NPHP3: variants seen among roughly 807,000 people sequenced by gnomAD.
NPHP3 encodes nephrocystin-3.
In NPHP3, 123 loss-of-function variants were observed where a neutral mutation model predicts 171.9. That is an observed-to-expected ratio of 0.72 (90% CI 0.62 to 0.83). The LOEUF is 0.83. NPHP3 is among the 40% of genes least tolerant of loss of function. The pLI, the probability that NPHP3 is intolerant of heterozygous loss-of-function variation, is 0.00. For synonymous variants in NPHP3, 558 were observed against 579.2 expected (o/e 0.96, Z 0.52); for missense variants, 1,506 against 1,591.9 (o/e 0.95, Z 0.92).
At chr3:132,709,142 A>G (rs1165812427) in intron 6 of NPHP3, among the ~76,000 whole-genome samples, 1 of 152,132 alleles carries the variant, frequency 6.6e-6, no homozygotes, top group Non-Finnish European at 1.5e-5. Flanking sequence ...TGAAGGTAAA[A>G]AAAATCCCAA....
At position 132,691,298 on chromosome 3, in the gene NPHP3, A is replaced by G. The variant is rs1939292069; in HGVS notation, c.2476-12T>C. ...ACTGTTTCCCAAGCCTAGGGAGAAA[A>G]AGAAGAAATACTGAGTTCTATTTCA... On this transcript the variant is annotated splice_polypyrimidine_tract_variant and intron_variant, in intron 17 of 26. Transcript: ENST00000337331. 3 of 1,576,854 alleles carry G rather than the reference A, an allele frequency of 1.9e-6. No individual in the cohort carries two copies. The South Asian group carries it at 3.3e-5, about 17-fold the overall frequency.
At chr3:132,709,149 C>G (rs1000611201) in intron 6 of NPHP3, among the ~76,000 whole-genome samples, 4 of 151,660 alleles carry the variant, frequency 2.6e-5, no homozygotes, top group Non-Finnish European at 4.4e-5. Flanking sequence ...AAAAAAAATC[C>G]CAAAAAACAA....
chr3:132,699,252 A>T, intron 13 of NPHP3, 101 bp downstream of exon 13: 1 of 786,208 alleles, frequency 1.3e-6, no homozygotes, highest in Non-Finnish European at 2.2e-6. Context: ...ACTGCAAGTT[A>T]CATAAAAAAT....
In NPHP3 at chr3:132,722,380, G is replaced by A. The variant is rs777805993; in HGVS notation, c.-25C>T. 6.4e-7 allele frequency: 1 copy of A among 1,572,798 alleles called. No individual in the cohort carries two copies. Among genetic ancestry groups the A allele is most frequent in the South Asian group, 1.1e-5 (1 of 88,174 alleles). ...TGGCGTCCGTTGCCGCTACTACCTA[G>A]TGAGTACCAGCAGGACTGGGCAGCG... On this transcript the variant is annotated 5_prime_UTR_variant, in exon 1 of 27. Coordinates refer to ENST00000337331, the MANE Select transcript of NPHP3 (RefSeq NM_153240.5).
chr3:132,697,153 A>C (rs1939475411), intron 14 of NPHP3, 107 bp downstream of exon 14: 7 of 811,406 alleles, frequency 8.6e-6, no homozygotes, highest in Non-Finnish European at 1.5e-5. Flanking sequence ...ACTAAACTCC[A>C]GTTTTCCTTA....
chr3:132,704,362 C>G lies in NPHP3; in HGVS notation c.1360G>C (p.Gly454Arg), dbSNP rs1939692373. ...VEKIIKQDIL[G>R]FENTDLETKD... Reference sequence around the variant, plus strand: ...GTCTCCAAGTCTGTGTTCTCAAAACCCAGTATGTCCTAAACACAAAGAACA... The same window carrying G: ...GTCTCCAAGTCTGTGTTCTCAAAACGCAGTATGTCCTAAACACAAAGAACA... The change falls in exon 9 of 27, where the codon GGT becomes CGT. Residue 454 changes from glycine (G) to arginine (R), a missense_variant. Gly to Arg is a moderately radical substitution (Grantham distance 125). Transcript: ENST00000337331. The G allele has an allele frequency of 6.2e-7, 1 of 1,613,884 alleles. No individual in the cohort carries two copies. Among genetic ancestry groups the G allele is most frequent in the South Asian group, 1.1e-5 (1 of 91,076 alleles).
chr3:132,682,901 A>G (rs1939068886), intron 25 of NPHP3, 83 bp from the exon 26 acceptor site: 1 of 837,422 alleles, frequency 1.2e-6, no homozygotes, highest in African/African-American at 1.7e-5. Flanking sequence ...TACTTTGATT[A>G]GTACTTTAAA....
intron 24 of NPHP3, among the ~76,000 whole-genome samples, chr3:132,684,031 T>TG (rs1939096753): frequency 6.6e-6 from 1 of 152,236 alleles, no homozygotes; most frequent in South Asian, 2.1e-4. Flanking sequence ...CAGGCTTCCC[T>TG]GGAATTTTTT....
intron 3 of NPHP3, 33 bp from the exon 4 acceptor site, chr3:132,716,942 C>T (rs1351643083): frequency 1.2e-6 from 2 of 1,609,830 alleles, no homozygotes; most frequent in Non-Finnish European, 1.7e-6. Context: ...CTTGTGAAAG[C>T]CAACTTATTG....
In NPHP3 at chr3:132,687,243, A is replaced by C. The variant is rs186041429; in HGVS notation, c.3126-17T>G. 237 of 1,078,048 alleles carry C rather than the reference A, an allele frequency of 2.2e-4. No homozygotes were observed. Among genetic ancestry groups the C allele is most frequent in the Non-Finnish European group, 3.3e-4 (230 of 700,930 alleles). The allele number at this position is 1,078,048 out of a possible 1,614,324, so 66.8% of individuals were successfully genotyped here. A position where few individuals can be genotyped will look rare whatever the true frequency, so the allele number is the denominator to read the frequency against. On this transcript the variant is annotated splice_polypyrimidine_tract_variant and intron_variant, in intron 21 of 26. Coordinates refer to ENST00000337331, the MANE Select transcript of NPHP3 (RefSeq NM_153240.5). Reference sequence around the variant, plus strand: ...TGTTCATATCTTAAAAAAAAATTACAGTAAGTCAAACAAAAGAAACATATT... The same window carrying C: ...TGTTCATATCTTAAAAAAAAATTACCGTAAGTCAAACAAAAGAAACATATT...
chr3:132,721,741 C>G (rs910566616), intron 1 of NPHP3: 11 of 712,626 alleles, frequency 1.5e-5, no homozygotes, highest in Non-Finnish European at 1.8e-5. Flanking sequence ...TTCCAGGTTG[C>G]AGTGAGCCGC....
intron 1 of NPHP3, among the ~76,000 whole-genome samples, chr3:132,720,964 C>G (rs1275505895): frequency 6.6e-6 from 1 of 151,928 alleles, no homozygotes; most frequent in East Asian, 1.9e-4. Flanking sequence ...GTCACCCAAG[C>G]TGGAGTGCAA....
In NPHP3 at chr3:132,700,028, T is replaced by C. The variant is rs373627362; in HGVS notation, c.1777A>G (p.Thr593Ala). ...TCCAGAAGCTTAGCAGGATCCAGTGTCAGAGCAGAGACTGACCAAGAGTGC... is the reference window on the plus strand; with the variant it reads ...TCCAGAAGCTTAGCAGGATCCAGTGCCAGAGCAGAGACTGACCAAGAGTGC... ...MQHSWSVSAL[T>A]LDPAKLLEEF... is the part of the protein sequence containing the mutation. Residue 593 changes from threonine (T) to alanine (A), a missense_variant, in exon 12 of 27, where the codon ACA becomes GCA. Around this residue, in one of 3 missense-constraint regions of NPHP3, gnomAD observed 930 missense variants for 924.9 expected, o/e 1.01. Coordinates refer to ENST00000337331, the MANE Select transcript of NPHP3 (RefSeq NM_153240.5). 32 of 1,614,014 alleles carry C rather than the reference T, an allele frequency of 2.0e-5. No homozygotes were observed. The South Asian group carries it at 3.5e-4, about 18-fold the overall frequency.
intron 25 of NPHP3, 73 bp from the exon 26 acceptor site, chr3:132,682,891 T>C: frequency 1.1e-6 from 1 of 888,198 alleles, no homozygotes; most frequent in Non-Finnish European, 1.9e-6. Flanking sequence ...TAAGCTAACC[T>C]ACTTTGATTA....
chr3:132,680,883 A>G lies in NPHP3; in HGVS notation c.*1027T>C, dbSNP rs1246481995. 1.3e-5 allele frequency: 2 copies of G among 152,220 alleles called. No individual in the cohort carries two copies. Among genetic ancestry groups the G allele is most frequent in the African/African-American group, 4.8e-5 (2 of 41,462 alleles). 9.4% of individuals were successfully genotyped at this position (152,220 alleles called of 1,614,324 possible). A position where few individuals can be genotyped will look rare whatever the true frequency, so the allele number is the denominator to read the frequency against. On this transcript the variant is annotated 3_prime_UTR_variant, in exon 27 of 27. Transcript: ENST00000337331. ...CATCTAAGAAGGAAGATAAAGGAGA[A>G]TGTCATATCTATATTTTGGGAAAAG...
intron 3 of NPHP3, among the ~76,000 whole-genome samples, chr3:132,717,663 A>G (rs1258226225): frequency 6.6e-6 from 1 of 151,732 alleles, no homozygotes; most frequent in Non-Finnish European, 1.5e-5. Context: ...AACACTGTAC[A>G]TTTGAGTATG....
At chr3:132,685,823 G>A (rs1246821533) in intron 23 of NPHP3, 4 of 177,842 alleles carry the variant, frequency 2.2e-5, no homozygotes, top group Non-Finnish European at 4.8e-5. Flanking sequence ...AAGCCAAGGC[G>A]GGCAGATCAC....
chr3:132,690,350 C>T (rs1939267603), intron 19 of NPHP3, among the ~76,000 whole-genome samples, 178 bp downstream of exon 19: 1 of 152,146 alleles, frequency 6.6e-6, no homozygotes, highest in Non-Finnish European at 1.5e-5. Flanking sequence ...TCTATGTTTT[C>T]CTCTTGGGAA....
In NPHP3 at chr3:132,700,424, G is replaced by A; in HGVS notation, c.1653C>T (p.Ser551=). Residue 551 remains serine (S), a synonymous_variant, in exon 11 of 27, where the codon TCC becomes TCT. Coordinates refer to ENST00000337331, the MANE Select transcript of NPHP3 (RefSeq NM_153240.5). ...SKWIQLQQKN[S]PNTLILSHFV... is the part of the protein sequence containing the mutation. ...AATGGGAAAGAATCAGTGTGTTGGG[G>A]GAATTCTTCTGTTGTAATTGAATCC... The A allele has an allele frequency of 2.5e-6, 4 of 1,610,874 alleles. No homozygotes were observed. The highest frequency in any genetic ancestry group is 3.4e-6 in the Non-Finnish European group (4 of 1,178,118).
Sources: allele counts gnomAD v4.1 joint callset (sites outside exome capture counted in the v4.1 genomes callset), GRCh38; gene constraint gnomAD v4.1.1; regional missense constraint gnomAD v4.1.1; transcripts MANE v1.5; gene names NCBI Gene and HGNC (gene_info 2026-07-23, HGNC 2026-07-21).